Variants in DCC observed in about 807,000 individuals in gnomAD.
DCC encodes DCC netrin 1 receptor, also known as netrin receptor DCC.
DCC carries 58 observed loss-of-function variants against 172.5 expected under a neutral mutation model. The observed-to-expected ratio is 0.34, with a 90% CI of 0.27 to 0.42. DCC has a LOEUF of 0.42. Among genes scored for constraint, DCC ranks in the 10% least tolerant of loss-of-function variants. The probability of loss-of-function intolerance (pLI) is 1.00; values close to 1 mark genes in which losing one functional copy is unlikely to be tolerated. For synonymous variants in DCC, 709 were observed against 644.5 expected, an observed-to-expected ratio of 1.10 and a Z score of -1.52; for missense variants, 1,740 against 1,791.0, an observed-to-expected ratio of 0.97 and a Z score of 0.51.
chr18:53,454,743 G>A (rs1599168993), intron 23 of DCC, among the ~76,000 whole-genome samples: 1 of 152,298 alleles, frequency 6.6e-6, no homozygotes, highest in African/African-American at 2.4e-5. Flanking sequence ...ACGATGAAAT[G>A]TCTAGGCTCT....
intron 12 of DCC, among the ~76,000 whole-genome samples, chr18:53,258,980 T>C (rs1001096646): frequency 6.6e-6 from 1 of 152,198 alleles, no homozygotes; most frequent in Non-Finnish European, 1.5e-5. Flanking sequence ...TCTGTGTCTC[T>C]TTTGATCTTT....
chr18:53,435,258 G>C, intron 22 of DCC, 49 bp downstream of exon 22: 1 of 1,276,064 alleles, frequency 7.8e-7, no homozygotes, highest in Non-Finnish European at 1.1e-6. Context: ...TAATTAAATG[G>C]TTAATTCAAG....
intron 12 of DCC, among the ~76,000 whole-genome samples, chr18:53,246,563 A>T (rs2056367631): frequency 6.6e-6 from 1 of 152,034 alleles, no homozygotes; most frequent in Non-Finnish European, 1.5e-5. Context: ...AAATATATAT[A>T]TTTAAATAAA....
At chr18:53,023,793 C>T (rs1177339032) in intron 5 of DCC, among the ~76,000 whole-genome samples, 2 of 152,070 alleles carry the variant, frequency 1.3e-5, no homozygotes, top group African/African-American at 2.4e-5. Context: ...ACTTCAAAAG[C>T]CTCACTTATG....
intron 12 of DCC, among the ~76,000 whole-genome samples, chr18:53,295,453 T>C (rs1394031104): frequency 9.2e-5 from 14 of 152,114 alleles, no homozygotes; most frequent in African/African-American, 3.1e-4. Flanking sequence ...CAAATACACA[T>C]AATAGAATTT....
rs1452925712 is a variant in DCC, at chr18:53,066,373, A to G, written c.1261+207A>G. The stretch of plus-strand genomic sequence containing the variant: ...TGTGTGTATATATATATATATATAT[A>G]TATATATATATATATATATATATAT... On this transcript the variant is annotated intron_variant, in intron 7 of 28. Coordinates refer to ENST00000442544, the MANE Select transcript of DCC (RefSeq NM_005215.4). Among the ~76,000 whole-genome samples the G allele has an allele frequency of 4.1e-4, 25 of 61,366 alleles. 1 individual carries two copies. The highest frequency in any genetic ancestry group is 1.8e-3 in the African/African-American group (13 of 7,364). The allele number at this position is 61,366 out of a possible 152,430, so 40.3% of individuals were successfully genotyped here. A position where few individuals can be genotyped will look rare whatever the true frequency, so the allele number is the denominator to read the frequency against.
chr18:53,372,241 A>C (rs1290310613), intron 15 of DCC, among the ~76,000 whole-genome samples: 1 of 152,158 alleles, frequency 6.6e-6, no homozygotes, highest in African/African-American at 2.4e-5. Flanking sequence ...GGTAGACTGG[A>C]TAAAGAAAAT....
At chr18:53,383,543 A>G (rs533601487) in intron 15 of DCC, among the ~76,000 whole-genome samples, 1 of 147,466 alleles carries the variant, frequency 6.8e-6, no homozygotes, top group South Asian at 2.2e-4. Context: ...AAAATATTTC[A>G]GGTTCATTTG....
chr18:53,135,033 A>G (rs1041582433), intron 7 of DCC, among the ~76,000 whole-genome samples: 7 of 152,132 alleles, frequency 4.6e-5, no homozygotes, highest in Admixed American at 3.3e-4. Flanking sequence ...ACCAATAGGA[A>G]CCTATAATTG....
At chr18:52,706,702 C>G (rs560659722) in intron 1 of DCC, among the ~76,000 whole-genome samples, 2 of 152,238 alleles carry the variant, frequency 1.3e-5, no homozygotes, top group Non-Finnish European at 2.9e-5. Flanking sequence ...CCCACCACGA[C>G]CAAGCATGGT....
intron 2 of DCC, among the ~76,000 whole-genome samples, chr18:52,822,961 A>C (rs2145276438): frequency 6.6e-6 from 1 of 152,320 alleles, no homozygotes; most frequent in African/African-American, 2.4e-5. Flanking sequence ...TCAAAACATG[A>C]GAAAATGAAC....
chr18:52,453,057 A>G (rs347543), intron 1 of DCC, among the ~76,000 whole-genome samples: 121,504 of 152,274 alleles, frequency 0.8, 49,291 homozygotes, highest in African/African-American at 0.94. Context: ...GTGTCTGTGT[A>G]CATAGGCACA....
At chr18:52,878,217 T>A (rs999926364) in intron 2 of DCC, among the ~76,000 whole-genome samples, 3 of 152,212 alleles carry the variant, frequency 2.0e-5, no homozygotes, top group African/African-American at 7.2e-5. Flanking sequence ...TTTGCTAGTA[T>A]TGCCCTCCAT....
intron 1 of DCC, among the ~76,000 whole-genome samples, chr18:52,727,094 G>A (rs920057001): frequency 2.6e-5 from 4 of 152,118 alleles, no homozygotes; most frequent in Non-Finnish European, 5.9e-5. Flanking sequence ...GGAGTCAGTA[G>A]ATAGATTGTC....
chr18:52,616,063 A>T (rs753600511), intron 1 of DCC, among the ~76,000 whole-genome samples: 239 of 152,314 alleles, frequency 1.6e-3, no homozygotes, highest in Non-Finnish European at 2.7e-3. Context: ...CCATATTACT[A>T]GCACCTTACA....
chr18:53,049,599 G>T (rs966145941), intron 5 of DCC, among the ~76,000 whole-genome samples: 3 of 152,042 alleles, frequency 2.0e-5, no homozygotes, highest in African/African-American at 7.2e-5. Flanking sequence ...TTGTAGTATA[G>T]TTAGAAATTG....
intron 2 of DCC, among the ~76,000 whole-genome samples, chr18:52,788,134 A>G (rs1380942494): frequency 6.6e-6 from 1 of 152,156 alleles, no homozygotes; most frequent in Non-Finnish European, 1.5e-5. Flanking sequence ...AATTTTTACA[A>G]TCTTTTCACA....
chr18:53,461,237 T>A (rs528710862), intron 24 of DCC, among the ~76,000 whole-genome samples: 7 of 151,548 alleles, frequency 4.6e-5, no homozygotes, highest in Non-Finnish European at 1.0e-4. Context: ...AGGTTGCCTG[T>A]TCACTCTGAT....
chr18:52,591,860 A>G (rs1253623055), intron 1 of DCC, among the ~76,000 whole-genome samples: 1 of 149,208 alleles, frequency 6.7e-6, no homozygotes, highest in Non-Finnish European at 1.5e-5. Context: ...TCTGGCCTCA[A>G]GCAGTAGGCT....
Sources: gnomAD v4.1 joint callset for allele counts (sites outside exome capture counted in the v4.1 genomes callset) on GRCh38, gnomAD v4.1.1 for gene constraint, MANE v1.5 for transcripts, NCBI Gene and HGNC (gene_info 2026-07-23, HGNC 2026-07-21) for gene names.